The following PDE4B variants were observed in gnomAD, a reference collection of about 807,000 sequenced individuals.
PDE4B encodes the protein 3',5'-cyclic-AMP phosphodiesterase 4B.
A neutral mutation model predicts 82.2 loss-of-function variants in PDE4B; 20 were observed. That is an observed-to-expected ratio of 0.24 (90% CI 0.17 to 0.35). The LOEUF (loss-of-function observed/expected upper bound fraction) is 0.35, where lower values mean the gene tolerates loss of function less well. PDE4B is among the 10% of genes least tolerant of loss of function. The pLI, the probability that PDE4B is intolerant of heterozygous loss-of-function variation, is 1.00. For missense variants in PDE4B, 655 were observed against 907.2 expected (o/e 0.72, Z 3.57); for synonymous variants, 320 against 318.9 (o/e 1.00, Z -0.04).
chr1:66,101,093 G>A (rs1377925295), intron 3 of PDE4B, among the ~76,000 whole-genome samples: 2 of 151,748 alleles, frequency 1.3e-5, no homozygotes, highest in African/African-American at 4.8e-5. Context: ...TTGATTTTTT[G>A]TCCCTGCGAT....
chr1:66,277,686 G>A (rs1002588120), intron 7 of PDE4B, among the ~76,000 whole-genome samples: 5 of 152,200 alleles, frequency 3.3e-5, no homozygotes, highest in Admixed American at 6.5e-5. Flanking sequence ...GAGCCACCAC[G>A]CCCGGCCTTA....
chr1:66,306,776 T>C (rs896895170), intron 7 of PDE4B, among the ~76,000 whole-genome samples: 15 of 152,126 alleles, frequency 9.9e-5, no homozygotes, highest in African/African-American at 3.4e-4. Context: ...GTTAGTGAAA[T>C]AGCCAGTTCT....
At position 66,013,576 on chromosome 1, in the gene PDE4B, C is replaced by A. The variant is rs557389508; in HGVS notation, c.281+94741C>A. ...GTAATTCACATTCTTGTGCAACCAGCCTCCAGAACTCTTTTCATCTTTCAA... is the reference window on the plus strand; with the variant it reads ...GTAATTCACATTCTTGTGCAACCAGACTCCAGAACTCTTTTCATCTTTCAA... On this transcript the variant is annotated intron_variant, in intron 3 of 16. Coordinates refer to ENST00000341517, the MANE Select transcript of PDE4B (RefSeq NM_002600.4). Among the ~76,000 whole-genome samples the A allele has an allele frequency of 3.3e-5, 5 of 152,142 alleles. No homozygotes were observed. The South Asian group carries it at 1.0e-3, about 32-fold the overall frequency.
chr1:66,023,053 T>C (rs2489923), intron 3 of PDE4B, among the ~76,000 whole-genome samples: 149,246 of 152,182 alleles, frequency 0.98, 73,238 homozygotes, highest in Middle Eastern at 1. Flanking sequence ...CCATTGATTG[T>C]GTGGGGATTG....
Position 65,922,021 on chromosome 1 carries a change from T to C in PDE4B, c.281+3186T>C, listed in dbSNP as rs377109572. Reference sequence around the variant, plus strand: ...AAAACATTAACATGATTTTATCATATGTTTATTTGGAGAAAACAGGCCATC... The same window carrying C: ...AAAACATTAACATGATTTTATCATACGTTTATTTGGAGAAAACAGGCCATC... On this transcript the variant is annotated intron_variant, in intron 3 of 16. Transcript: ENST00000341517. Among the ~76,000 whole-genome samples, 24 of 152,352 alleles carry C rather than the reference T, an allele frequency of 1.6e-4. No homozygotes were observed. The South Asian group carries it at 4.6e-3, about 29-fold the overall frequency.
chr1:66,299,664 C>G (rs1042370036), intron 7 of PDE4B, among the ~76,000 whole-genome samples: 2 of 152,168 alleles, frequency 1.3e-5, no homozygotes, highest in African/African-American at 4.8e-5. Flanking sequence ...GCTGTGCTAA[C>G]TTACTTTCCC....
At chr1:66,284,566 G>A (rs1204262272) in intron 7 of PDE4B, among the ~76,000 whole-genome samples, 1 of 152,182 alleles carries the variant, frequency 6.6e-6, no homozygotes. Flanking sequence ...GCTGAGGCAG[G>A]AGGATTGCTT....
intron 3 of PDE4B, among the ~76,000 whole-genome samples, chr1:66,120,146 G>T (rs1557575786): frequency 6.6e-6 from 1 of 152,152 alleles, no homozygotes; most frequent in Non-Finnish European, 1.5e-5. Flanking sequence ...TCATCTCTGT[G>T]TCACCTCTCC....
intron 4 of PDE4B, among the ~76,000 whole-genome samples, chr1:66,251,034 G>T (rs774258167): frequency 2.0e-5 from 3 of 152,186 alleles, no homozygotes; most frequent in Admixed American, 6.5e-5. Flanking sequence ...CCTGTTTATT[G>T]ATGGACTAGC....
chr1:66,355,627 T>C lies in PDE4B; in HGVS notation c.841+7T>C. ...ATTTCAAATACTTTCTTAGGTAAGA[T>C]ATTAACTGGGAAAAACCTGTTTTAT... On this transcript the variant is annotated splice_region_variant and intron_variant, in intron 9 of 16. Coordinates refer to ENST00000341517, the MANE Select transcript of PDE4B (RefSeq NM_002600.4). 1 of 1,554,356 alleles carries C rather than the reference T, an allele frequency of 6.4e-7. No individual in the cohort carries two copies. The highest frequency in any genetic ancestry group is 8.9e-7 in the Non-Finnish European group (1 of 1,127,072).
In PDE4B at chr1:66,372,478, T is replaced by A; in HGVS notation, c.2011T>A (p.Cys671Ser). ...ACCACTGGACGAGCAGAACAGGGAC[T>A]GCCAGGGTCTGATGGAGAAGTTTCA... ...SPPLDEQNRD[C>S]QGLMEKFQFE... The change falls in exon 17 of 17, where the codon TGC becomes AGC. Residue 671 changes from cysteine to serine, a missense_variant. By Grantham distance (112) the Cys-to-Ser change is moderately radical. Around this residue, in one of 3 missense-constraint regions of PDE4B, gnomAD observed 119 missense variants for 115.2 expected, o/e 1.03. Transcript: ENST00000341517. 1 of 1,614,110 alleles carries A rather than the reference T, an allele frequency of 6.2e-7. No homozygotes were observed. The highest frequency in any genetic ancestry group is 1.3e-5 in the African/African-American group (1 of 75,036).
At chr1:65,899,143 A>AAAAGTGGGCTAAGG (rs1553197599) in intron 1 of PDE4B, among the ~76,000 whole-genome samples, 34 of 152,108 alleles carry the variant, frequency 2.2e-4, no homozygotes, top group Admixed American at 2.2e-3. Context: ...AATCCCATCA[A>AAAAGTGGGCTAAGG]AAAGTGGGCT....
chr1:66,159,822 A>G (rs1186625998), intron 3 of PDE4B, among the ~76,000 whole-genome samples: 1 of 152,216 alleles, frequency 6.6e-6, no homozygotes, highest in African/African-American at 2.4e-5. Flanking sequence ...ATTTACAGAG[A>G]ATAGAGCAGC....
At chr1:66,080,543 A>G (rs1166156828) in intron 3 of PDE4B, among the ~76,000 whole-genome samples, 2 of 152,120 alleles carry the variant, frequency 1.3e-5, no homozygotes, top group Admixed American at 1.3e-4. Context: ...AAATAGCCTG[A>G]GTTTATAATA....
chr1:66,078,374 T>C (rs1307644905), intron 3 of PDE4B, among the ~76,000 whole-genome samples: 1 of 151,910 alleles, frequency 6.6e-6, no homozygotes, highest in Admixed American at 6.6e-5. Context: ...TTATTATTAT[T>C]ATTTTTTGTA....
intron 3 of PDE4B, among the ~76,000 whole-genome samples, chr1:66,014,672 G>A (rs576530804): frequency 6.6e-6 from 1 of 152,136 alleles, no homozygotes; most frequent in Non-Finnish European, 1.5e-5. Context: ...AAAGAATCAC[G>A]ACTAAAGTTC....
chr1:65,960,054 G>A (rs1001730829), intron 3 of PDE4B, among the ~76,000 whole-genome samples: 6 of 152,070 alleles, frequency 3.9e-5, no homozygotes, highest in African/African-American at 1.4e-4. Context: ...AATACAAAAT[G>A]CTTTGTAAAG....
intron 1 of PDE4B, among the ~76,000 whole-genome samples, chr1:65,900,888 C>G (rs1458242586): frequency 6.6e-6 from 1 of 152,086 alleles, no homozygotes; most frequent in Non-Finnish European, 1.5e-5. Context: ...TGTATATACT[C>G]ATATTGTCAG....
In PDE4B at chr1:66,247,445, C is replaced by CA; in HGVS notation, c.282-14dup. 6.5e-7 allele frequency: 1 copy of CA among 1,540,180 alleles called. No individual in the cohort carries two copies. Among genetic ancestry groups the CA allele is most frequent in the African/African-American group, 1.4e-5 (1 of 72,382 alleles). Reference sequence around the variant, plus strand: ...TGGTTATCATGTGACCAGAGTTTCCCACTTTCTCTTTAAGCTTTGATGTGG... The same window carrying CA: ...TGGTTATCATGTGACCAGAGTTTCCCAACTTTCTCTTTAAGCTTTGATGTGG... On this transcript the variant is annotated splice_polypyrimidine_tract_variant and intron_variant, in intron 3 of 16. Transcript: ENST00000341517.
Sources: gnomAD v4.1 joint callset for allele counts (sites outside exome capture counted in the v4.1 genomes callset) on GRCh38, gnomAD v4.1.1 for gene constraint, gnomAD v4.1.1 regional missense constraint, MANE v1.5 for transcripts, NCBI Gene and HGNC (gene_info 2026-07-23, HGNC 2026-07-21) for gene names.